Variants in DIP2C observed in about 807,000 individuals in gnomAD.
DIP2C encodes disco-interacting protein 2 homolog C.
A neutral mutation model predicts 192.4 loss-of-function variants in DIP2C; 33 were observed. The observed-to-expected ratio is 0.17, with a 90% CI of 0.13 to 0.23. The LOEUF (loss-of-function observed/expected upper bound fraction) is 0.23. Among genes scored for constraint, DIP2C ranks in the 10% least tolerant of loss-of-function variants. DIP2C has a pLI of 1.00. For missense variants in DIP2C, 1,537 were observed against 2,110.1 expected, an observed-to-expected ratio of 0.73 and a Z score of 5.32; for synonymous variants, 979 against 864.1, an observed-to-expected ratio of 1.13 and a Z score of -2.33.
intron 1 of DIP2C, among the ~76,000 whole-genome samples, chr10:567,801 C>T (rs1266478141): frequency 6.6e-6 from 1 of 151,822 alleles, no homozygotes; most frequent in Non-Finnish European, 1.5e-5. Context: ...CCTCACCCTG[C>T]TGATTTTTAG....
chr10:589,021 C>G lies in DIP2C; in HGVS notation c.85+100473G>C, dbSNP rs201735941. ...CCTGGTGCTGAAGACCTTCCATCAG[C>G]CGCTCCAGCAGGGGTGTAAAAAAAT... On this transcript the variant is annotated intron_variant, in intron 1 of 36. Transcript: ENST00000280886. Among the ~76,000 whole-genome samples the G allele has an allele frequency of 5.3e-5, 8 of 152,182 alleles. No individual in the cohort carries two copies. The East Asian group carries it at 1.4e-3, about 26-fold the overall frequency.
chr10:617,203 C>A (rs1227564839), intron 1 of DIP2C, among the ~76,000 whole-genome samples: 5 of 145,684 alleles, frequency 3.4e-5, no homozygotes, highest in Non-Finnish European at 6.1e-5. Flanking sequence ...CTCAGCCGCC[C>A]CCTGAAATAC....
intron 36 of DIP2C, 121 bp from the exon 37 acceptor site, chr10:277,698 C>T (rs1394990023): frequency 2.2e-5 from 30 of 1,353,502 alleles, no homozygotes; most frequent in South Asian, 5.8e-5. Context: ...CAGTCTCCTC[C>T]GGCCTCTCCA....
intron 20 of DIP2C, among the ~76,000 whole-genome samples, chr10:364,161 A>G (rs1267152048): frequency 6.6e-6 from 1 of 152,234 alleles, no homozygotes; most frequent in Non-Finnish European, 1.5e-5. Flanking sequence ...CAATGGAAAT[A>G]TATTTATGGA....
chr10:650,408 G>A (rs575248445), intron 1 of DIP2C: 19 of 715,302 alleles, frequency 2.7e-5, no homozygotes, highest in East Asian at 2.4e-4. Flanking sequence ...AGACCAACAC[G>A]AGAAGAACGC....
intron 1 of DIP2C, among the ~76,000 whole-genome samples, chr10:586,808 G>C (rs1773521): frequency 6.6e-6 from 1 of 152,148 alleles, no homozygotes; most frequent in African/African-American, 2.4e-5. Context: ...GGTAAGCCTT[G>C]GTCTTGTTTC....
At position 364,333 on chromosome 10, in the gene DIP2C, C is replaced by T. The variant is rs779493444; in HGVS notation, c.2477+41G>A. 1.3e-5 allele frequency: 20 copies of T among 1,578,962 alleles called. No individual in the cohort carries two copies. In the East Asian group the frequency reaches 3.2e-4, roughly 25 times the overall value. ...TTCAAAACCACATAAAAAATATGGC[C>T]GACCGGAAACCATATGCTTGATTTG... is the stretch of plus-strand genomic sequence containing the variant. On this transcript the variant is annotated intron_variant, in intron 20 of 36. Coordinates refer to ENST00000280886, the MANE Select transcript of DIP2C (RefSeq NM_014974.3).
chr10:401,472 G>A (rs187660000), intron 9 of DIP2C, among the ~76,000 whole-genome samples: 10 of 150,090 alleles, frequency 6.7e-5, no homozygotes, highest in East Asian at 2.0e-4. Flanking sequence ...GACAAGTTTC[G>A]TATGTGTTCA....
chr10:409,931 G>A (rs922488497), intron 8 of DIP2C, among the ~76,000 whole-genome samples: 2 of 152,236 alleles, frequency 1.3e-5, no homozygotes, highest in African/African-American at 2.4e-5. Flanking sequence ...CTGCCAGAGC[G>A]TCTCAGTAGT....
At chr10:635,105 C>T (rs1269441608) in intron 1 of DIP2C, among the ~76,000 whole-genome samples, 2 of 152,208 alleles carry the variant, frequency 1.3e-5, no homozygotes, top group African/African-American at 4.8e-5. Flanking sequence ...TCCACGAACC[C>T]ATGACACACC....
intron 28 of DIP2C, among the ~76,000 whole-genome samples, chr10:343,881 C>T (rs1223864224): frequency 6.6e-6 from 1 of 152,200 alleles, no homozygotes; most frequent in Non-Finnish European, 1.5e-5. Flanking sequence ...CACAGCCCTG[C>T]CCTCAGGATC....
chr10:465,284 A>C (rs1263443108), intron 3 of DIP2C, among the ~76,000 whole-genome samples: 7 of 144,848 alleles, frequency 4.8e-5, no homozygotes, highest in Admixed American at 2.1e-4. Flanking sequence ...CAAAGACAAA[A>C]ACCACATGAT....
chr10:550,711 G>C (rs1397585735), intron 1 of DIP2C, among the ~76,000 whole-genome samples: 8 of 152,220 alleles, frequency 5.3e-5, no homozygotes, highest in African/African-American at 1.7e-4. Flanking sequence ...TGAATCCCTA[G>C]CCCCTCTCCC....
At chr10:290,651 C>T (rs376759113) in intron 32 of DIP2C, among the ~76,000 whole-genome samples, 2 of 152,180 alleles carry the variant, frequency 1.3e-5, no homozygotes, top group Non-Finnish European at 2.9e-5. Flanking sequence ...AGTAGAGAAG[C>T]CAGGCCAAGC....
chr10:675,424 A>C (rs142561245), intron 1 of DIP2C, among the ~76,000 whole-genome samples: 141 of 152,278 alleles, frequency 9.3e-4, no homozygotes, highest in African/African-American at 3.2e-3. Flanking sequence ...GGAGAAAAGA[A>C]ATAACAAAGA....
At chr10:508,752 C>T (rs1033669031) in intron 1 of DIP2C, among the ~76,000 whole-genome samples, 26 of 152,150 alleles carry the variant, frequency 1.7e-4, no homozygotes, top group African/African-American at 6.3e-4. Context: ...CAGAAGAAGC[C>T]ACTTAAAGGC....
At chr10:627,321 C>A (rs1854261718) in intron 1 of DIP2C, among the ~76,000 whole-genome samples, 1 of 152,236 alleles carries the variant, frequency 6.6e-6, no homozygotes, top group Non-Finnish European at 1.5e-5. Flanking sequence ...CTCTCCAAAA[C>A]CCCCCATCAG....
intron 10 of DIP2C, among the ~76,000 whole-genome samples, chr10:395,098 G>A (rs1000965934): frequency 2.6e-5 from 3 of 116,924 alleles, no homozygotes; most frequent in African/African-American, 9.0e-5. Flanking sequence ...ACGAGGGCTG[G>A]GGGGGAGGGA....
At chr10:417,717 C>T (rs1965781413) in intron 6 of DIP2C, among the ~76,000 whole-genome samples, 1 of 122,416 alleles carries the variant, frequency 8.2e-6, no homozygotes, top group African/African-American at 3.3e-5. Flanking sequence ...CTCAAATAGG[C>T]CTCCCTGTCT....
Sources: gnomAD v4.1 joint callset for allele counts (sites outside exome capture counted in the v4.1 genomes callset) on GRCh38, gnomAD v4.1.1 for gene constraint, MANE v1.5 for transcripts, NCBI Gene and HGNC (gene_info 2026-07-23, HGNC 2026-07-21) for gene names.